Variants in ANK2 observed in about 807,000 individuals in gnomAD.
ANK2 encodes ankyrin-2.
ANK2 carries 83 observed loss-of-function variants against 360.5 expected under a neutral mutation model. The ratio of observed to expected loss-of-function variants is 0.23; its 90% CI spans 0.19 to 0.28. The LOEUF is 0.28. Ranked by LOEUF, ANK2 falls within the 10% of genes least tolerant of loss-of-function variation. The pLI is 1.00. For missense variants in ANK2, 4,201 were observed against 4,795.7 expected, an observed-to-expected ratio of 0.88 and a Z score of 3.66; for synonymous variants, 1,740 against 1,759.5, an observed-to-expected ratio of 0.99 and a Z score of 0.28.
intron 1 of ANK2, among the ~76,000 whole-genome samples, chr4:112,822,790 A>T (rs1438062969): frequency 6.6e-6 from 1 of 152,020 alleles, no homozygotes; most frequent in Non-Finnish European, 1.5e-5. Flanking sequence ...AGAAAGAAAG[A>T]TTTAAAAGAT....
At chr4:113,146,178 G>T (rs908911094) in intron 1 of ANK2, among the ~76,000 whole-genome samples, 3 of 152,114 alleles carry the variant, frequency 2.0e-5, no homozygotes, top group Non-Finnish European at 2.9e-5. Flanking sequence ...TCCTCTTCAT[G>T]TTATGCAATG....
Position 113,373,164 on chromosome 4 carries a change from G to A in ANK2, c.11685G>A (p.Val3895=), listed in dbSNP as rs747044770. 4 of 1,613,916 alleles carry A rather than the reference G, an allele frequency of 2.5e-6. No individual in the cohort carries two copies. The Admixed American group carries it at 6.7e-5, about 27-fold the overall frequency. ...EEYIDEHGHT[V]VKKVTRKIIR... ...ACATTGATGAGCATGGACACACCGT[G>A]GTAAAGAAGGTATTGTCTAGTATAT... The change falls in exon 44 of 46, where the codon GTG becomes GTA. Residue 3895 remains valine (V), a synonymous_variant. Coordinates refer to ENST00000357077, the MANE Select transcript of ANK2 (RefSeq NM_001148.6).
the ANK2 span, among the ~76,000 whole-genome samples, chr4:112,744,142 T>C: frequency 6.6e-6 from 1 of 152,064 alleles, no homozygotes; most frequent in Admixed American, 6.6e-5. Flanking sequence ...TTACTTTCAA[T>C]GGCAAAAACT....
At chr4:113,192,314 A>G (rs2098679023) in intron 2 of ANK2, among the ~76,000 whole-genome samples, 1 of 152,102 alleles carries the variant, frequency 6.6e-6, no homozygotes, top group Non-Finnish European at 1.5e-5. Flanking sequence ...TCTTGACTAA[A>G]CTTCTTTTTT....
intron 1 of ANK2, among the ~76,000 whole-genome samples, chr4:112,821,825 C>T (rs1259917205): frequency 3.4e-5 from 5 of 148,774 alleles, no homozygotes; most frequent in Admixed American, 2.7e-4. Context: ...GGAGTACATT[C>T]GTGCAATCTT....
chr4:113,028,484 A>G (rs1170644379), intron 2 of ANK2, among the ~76,000 whole-genome samples: 1 of 152,196 alleles, frequency 6.6e-6, no homozygotes, highest in Non-Finnish European at 1.5e-5. Flanking sequence ...CATGATGTTT[A>G]CTATGCAGTC....
intron 1 of ANK2, among the ~76,000 whole-genome samples, chr4:113,092,459 T>C (rs591261): frequency 0.82 from 124,507 of 151,990 alleles, 51,579 homozygotes; most frequent in African/African-American, 0.95. Flanking sequence ...ACCCCAGCTT[T>C]GACCTATGGA....
At chr4:112,752,329 A>G in the ANK2 span, among the ~76,000 whole-genome samples, 44 of 152,332 alleles carry the variant, frequency 2.9e-4, no homozygotes, top group African/African-American at 1.0e-3. Context: ...GGAGGAGGCA[A>G]GAGAGCAACT....
intron 1 of ANK2, among the ~76,000 whole-genome samples, chr4:112,901,063 T>C (rs1021808518): frequency 6.6e-6 from 1 of 152,232 alleles, no homozygotes; most frequent in Non-Finnish European, 1.5e-5. Flanking sequence ...CTATAAGTTA[T>C]AAGTTTTTAT....
At chr4:113,098,713 C>T (rs1277843029) in intron 1 of ANK2, among the ~76,000 whole-genome samples, 1 of 151,852 alleles carries the variant, frequency 6.6e-6, no homozygotes, top group African/African-American at 2.4e-5. Flanking sequence ...ATTCTAAAAC[C>T]CAATAAAGAC....
chr4:113,249,449 T>G (rs1031722471), intron 9 of ANK2, among the ~76,000 whole-genome samples: 1 of 152,322 alleles, frequency 6.6e-6, no homozygotes, highest in South Asian at 2.1e-4. Context: ...CCCATCTTCT[T>G]GAATACGCAG....
rs1168382090 is a variant in ANK2, at chr4:113,355,843, T to C, written c.7225T>C (p.Leu2409=). 1 of 1,613,860 alleles carries C rather than the reference T, an allele frequency of 6.2e-7. No individual in the cohort carries two copies. Among genetic ancestry groups the C allele is most frequent in the Non-Finnish European group, 8.5e-7 (1 of 1,179,940 alleles). The change falls in exon 38 of 46, where the codon TTA becomes CTA. Residue 2409 remains leucine, a synonymous_variant. Transcript: ENST00000357077. ...PQGVIRSPQG[L]ELALPSRDSE... is the part of the protein sequence containing the mutation. ...GGGAGTCATTAGAAGTCCCCAAGGG[T>C]TAGAACTTGCACTCCCTAGCCGAGA... is the stretch of plus-strand genomic sequence containing the variant.
At chr4:113,334,078 A>G (rs912307497) in intron 29 of ANK2, among the ~76,000 whole-genome samples, 3 of 152,230 alleles carry the variant, frequency 2.0e-5, no homozygotes, top group African/African-American at 7.2e-5. Flanking sequence ...AAGAGCAAGT[A>G]TAGCTGTTTA....
intron 4 of ANK2, among the ~76,000 whole-genome samples, chr4:113,216,698 C>G (rs936536036): frequency 6.6e-6 from 1 of 152,146 alleles, no homozygotes; most frequent in Admixed American, 6.5e-5. Flanking sequence ...GAACAACACT[C>G]AGAACATATT....
chr4:112,959,826 G>A (rs1158804897), intron 2 of ANK2, among the ~76,000 whole-genome samples: 1 of 152,128 alleles, frequency 6.6e-6, no homozygotes, highest in Non-Finnish European at 1.5e-5. Flanking sequence ...GACACTTGTT[G>A]GGCCCATGAG....
At chr4:112,726,174 T>C in the ANK2 span, among the ~76,000 whole-genome samples, 2 of 152,110 alleles carry the variant, frequency 1.3e-5, no homozygotes, top group African/African-American at 2.4e-5. Context: ...TGGTGTGTTC[T>C]AGGAATAGGA....
chr4:112,935,445 G>T (rs958358618), intron 2 of ANK2, among the ~76,000 whole-genome samples: 12 of 152,112 alleles, frequency 7.9e-5, no homozygotes, highest in Non-Finnish European at 1.0e-4. Flanking sequence ...TCTGAGCCAG[G>T]TACTTGCCTT....
Position 113,285,593 on chromosome 4 carries a change from G to A in ANK2, c.2080-2012G>A, listed in dbSNP as rs567430157. Among the ~76,000 whole-genome samples, 4 of 152,252 alleles carry A rather than the reference G, an allele frequency of 2.6e-5. No homozygotes were observed. In the East Asian group the frequency reaches 5.8e-4, roughly 22 times the overall value. ...GGCAAGGTATGAGGGAAGGCACACAGCTTCCATGCCCTTCCTGGGTGCACC... is the reference window on the plus strand; with the variant it reads ...GGCAAGGTATGAGGGAAGGCACACAACTTCCATGCCCTTCCTGGGTGCACC... On this transcript the variant is annotated intron_variant, in intron 18 of 45. Transcript: ENST00000357077.
At chr4:112,710,496 GACCGGCCTGGCCAAC>G in the ANK2 span, among the ~76,000 whole-genome samples, 2 of 152,128 alleles carry the variant, frequency 1.3e-5, no homozygotes, top group Non-Finnish European at 2.9e-5. Context: ...AGGAGTTCAA[GACCGGCCTGGCCAAC>G]ATGGTGAAAC....
Sources: allele counts gnomAD v4.1 joint callset (sites outside exome capture counted in the v4.1 genomes callset), GRCh38; gene constraint gnomAD v4.1.1; transcripts MANE v1.5; gene names NCBI Gene and HGNC (gene_info 2026-07-23, HGNC 2026-07-21).